Variants in EYS observed in about 807,000 individuals in gnomAD.
EYS encodes the protein EGF-like photoreceptor maintenance factor, also known as protein eyes shut homolog.
A neutral mutation model predicts 282.1 loss-of-function variants in EYS; 250 were observed. The ratio of observed to expected loss-of-function variants is 0.89; its 90% CI spans 0.80 to 0.98. EYS has a LOEUF of 0.98. EYS is among the 50% of genes least tolerant of loss of function. The pLI is 0.00. For synonymous variants in EYS, 1,355 were observed against 1,282.9 expected (o/e 1.06, Z -1.20); for missense variants, 4,016 against 3,709.0 (o/e 1.08, Z -2.15).
At chr6:64,290,527 T>C (rs573249454) in intron 30 of EYS, among the ~76,000 whole-genome samples, 1 of 152,184 alleles carries the variant, frequency 6.6e-6, no homozygotes, top group South Asian at 2.1e-4. Context: ...CACCAAATTT[T>C]AGTAGCCTAA....
rs187954778 is a variant in EYS at position 65,104,523 on chromosome 6, T to G, written c.2024-46796A>C. 1.8e-3 allele frequency among the ~76,000 whole-genome samples: 276 copies of G among 151,620 alleles called. 4 individuals are homozygous for G. Among genetic ancestry groups the G allele is most frequent in the African/African-American group, 6.4e-3 (266 of 41,466 alleles). Reference sequence around the variant, plus strand: ...TGAAAAGTTTTTAAAATGTAAGAATTTTTCTCATCATGGAAAAAATTGGAA... The same window carrying G: ...TGAAAAGTTTTTAAAATGTAAGAATGTTTCTCATCATGGAAAAAATTGGAA... On this transcript the variant is annotated intron_variant, in intron 12 of 42. Coordinates refer to ENST00000503581, the MANE Select transcript of EYS (RefSeq NM_001142800.2).
At chr6:63,825,342 G>T (rs949763576) in intron 36 of EYS, among the ~76,000 whole-genome samples, 10 of 152,294 alleles carry the variant, frequency 6.6e-5, no homozygotes, top group Admixed American at 2.6e-4. Context: ...GACAAAGGGC[G>T]TATAATCTTG....
intron 33 of EYS, among the ~76,000 whole-genome samples, chr6:64,054,342 A>C (rs190976883): frequency 6.6e-6 from 1 of 152,118 alleles, no homozygotes; most frequent in Admixed American, 6.6e-5. Flanking sequence ...TAGAAAAAAA[A>C]CCCAGAATAT....
At chr6:65,671,510 T>A (rs1428243565) in intron 1 of EYS, among the ~76,000 whole-genome samples, 1 of 152,020 alleles carries the variant, frequency 6.6e-6, no homozygotes, top group Non-Finnish European at 1.5e-5. Flanking sequence ...GGAAAAAAAA[T>A]TCTGACAGGC....
At chr6:65,543,533 G>A (rs1455025407) in intron 2 of EYS, among the ~76,000 whole-genome samples, 3 of 149,504 alleles carry the variant, frequency 2.0e-5, no homozygotes, top group African/African-American at 7.4e-5. Context: ...TTACCATATG[G>A]GAATTGATAA....
At chr6:65,261,400 T>C (rs1038972096) in intron 12 of EYS, among the ~76,000 whole-genome samples, 1 of 151,934 alleles carries the variant, frequency 6.6e-6, no homozygotes, top group Non-Finnish European at 1.5e-5. Context: ...ATCTGTCTGG[T>C]GTGCATGTGT....
At position 63,772,422 on chromosome 6, in the gene EYS, T is replaced by G. The variant is rs1245241342; in HGVS notation, c.7898+5584A>C. Among the ~76,000 whole-genome samples, 5 of 152,302 alleles carry G rather than the reference T, an allele frequency of 3.3e-5. No homozygotes were observed. The South Asian group carries it at 1.0e-3, about 32-fold the overall frequency. ...TAGTTCCTAATGATTAATGTTAATATAATTGTTCATTTGGTTTATATATAT... is the reference window on the plus strand; with the variant it reads ...TAGTTCCTAATGATTAATGTTAATAGAATTGTTCATTTGGTTTATATATAT... On this transcript the variant is annotated intron_variant, in intron 40 of 42. Transcript: ENST00000503581.
intron 35 of EYS, among the ~76,000 whole-genome samples, chr6:63,967,369 A>G (rs1766358130): frequency 6.6e-6 from 1 of 152,194 alleles, no homozygotes; most frequent in Admixed American, 6.5e-5. Context: ...GAAACTGTGG[A>G]TAATTGTGGA....
intron 36 of EYS, among the ~76,000 whole-genome samples, chr6:63,827,431 T>C (rs1159314702): frequency 6.6e-6 from 1 of 152,166 alleles, no homozygotes; most frequent in Non-Finnish European, 1.5e-5. Context: ...TTAACAGATA[T>C]ATACAGAACA....
intron 31 of EYS, among the ~76,000 whole-genome samples, chr6:64,169,035 A>T (rs746325281): frequency 6.6e-6 from 1 of 152,212 alleles, no homozygotes. Flanking sequence ...AAAAGTTTGC[A>T]AAGTTTTATC....
rs566211386 is a variant in EYS, at chr6:65,508,835, A to G, written c.-332-12842T>C. The stretch of plus-strand genomic sequence containing the variant: ...AGAGTAGGCCTTTGTTAGAAAGAAG[A>G]TCTGGGTTCATTTAAAAAGGATAAC... On this transcript the variant is annotated intron_variant, in intron 2 of 42. Coordinates refer to ENST00000503581, the MANE Select transcript of EYS (RefSeq NM_001142800.2). 1.2e-4 allele frequency among the ~76,000 whole-genome samples: 18 copies of G among 152,172 alleles called. 1 individual carries two copies. The highest frequency in any genetic ancestry group is 4.1e-4 in the African/African-American group (17 of 41,518).
intron 13 of EYS, among the ~76,000 whole-genome samples, chr6:65,020,408 G>A (rs915602812): frequency 1.3e-5 from 2 of 152,140 alleles, no homozygotes; most frequent in Non-Finnish European, 2.9e-5. Flanking sequence ...AAATCCAATA[G>A]GGCAGTCATT....
intron 35 of EYS, among the ~76,000 whole-genome samples, chr6:63,963,423 T>A (rs1335800236): frequency 1.3e-5 from 2 of 152,198 alleles, no homozygotes; most frequent in African/African-American, 4.8e-5. Flanking sequence ...ATTCATTTAA[T>A]TGCACATTGA....
At chr6:63,949,886 C>T (rs1026493497) in intron 35 of EYS, among the ~76,000 whole-genome samples, 26 of 152,202 alleles carry the variant, frequency 1.7e-4, no homozygotes, top group African/African-American at 6.3e-4. Context: ...TAAAAATCTG[C>T]TTTTTGGCCA....
intron 12 of EYS, among the ~76,000 whole-genome samples, chr6:65,120,700 T>C (rs1011087452): frequency 9.2e-5 from 14 of 152,260 alleles, no homozygotes; most frequent in African/African-American, 3.1e-4. Flanking sequence ...CATCCTCTCT[T>C]TCTGTGAATC....
At chr6:64,085,175 G>T (rs565564309) in intron 31 of EYS, among the ~76,000 whole-genome samples, 2 of 151,888 alleles carry the variant, frequency 1.3e-5, no homozygotes, top group East Asian at 3.9e-4. Context: ...ATGGGTTTTC[G>T]CTATGTTGGC....
At chr6:64,756,535 T>C (rs530658194) in intron 22 of EYS, among the ~76,000 whole-genome samples, 2 of 152,332 alleles carry the variant, frequency 1.3e-5, no homozygotes, top group South Asian at 2.1e-4. Flanking sequence ...AGCACATTTA[T>C]GACATTTTTA....
intron 22 of EYS, among the ~76,000 whole-genome samples, chr6:64,636,691 CT>C (rs1244805753): frequency 6.6e-6 from 1 of 152,126 alleles, no homozygotes; most frequent in Non-Finnish European, 1.5e-5. Flanking sequence ...ACCTACTCAT[CT>C]GACAAAGGGC....
intron 36 of EYS, among the ~76,000 whole-genome samples, chr6:63,850,759 T>A (rs1175093694): frequency 6.6e-6 from 1 of 152,110 alleles, no homozygotes; most frequent in East Asian, 1.9e-4. Context: ...ATGAAGAAAC[T>A]GACCAAACAA....
Sources: gnomAD v4.1 joint callset for allele counts (sites outside exome capture counted in the v4.1 genomes callset) on GRCh38, gnomAD v4.1.1 for gene constraint, MANE v1.5 for transcripts, NCBI Gene and HGNC (gene_info 2026-07-23, HGNC 2026-07-21) for gene names.